APBB2: variants seen among roughly 807,000 people sequenced by gnomAD.
APBB2 encodes the protein amyloid beta precursor protein binding family B member 2.
In APBB2, 38 loss-of-function variants were observed where a neutral mutation model predicts 82.5. The ratio of observed to expected loss-of-function variants is 0.46; its 90% CI spans 0.36 to 0.60. The LOEUF (loss-of-function observed/expected upper bound fraction) is 0.60, where lower values mean the gene tolerates loss of function less well. Ranked by LOEUF, APBB2 falls within the 20% of genes least tolerant of loss-of-function variation. APBB2 has a pLI of 0.00. For synonymous variants in APBB2, 341 were observed against 368.2 expected (o/e 0.93, Z 0.85); for missense variants, 772 against 972.3 (o/e 0.79, Z 2.74).
At chr4:41,101,470 CAAAAAAAAAAAAAAA>C (rs150527764) in intron 2 of APBB2, among the ~76,000 whole-genome samples, 85 of 72,530 alleles carry the variant, frequency 1.2e-3, no homozygotes, top group East Asian at 8.9e-3. Context: ...GACTCCGTCT[CAAAAAAAAAAAAAAA>C]AAAAAAAAAA....
At chr4:40,924,984 A>C (rs929037143) in intron 10 of APBB2, among the ~76,000 whole-genome samples, 4 of 152,210 alleles carry the variant, frequency 2.6e-5, no homozygotes, top group African/African-American at 9.7e-5. Flanking sequence ...TTTTTTGAAA[A>C]GTATGGTGGC....
At chr4:41,187,124 T>G (rs932164535) in intron 1 of APBB2, among the ~76,000 whole-genome samples, 5 of 152,224 alleles carry the variant, frequency 3.3e-5, no homozygotes, top group African/African-American at 9.6e-5. Flanking sequence ...GATGAGCTTC[T>G]GTAAGAACTG....
At chr4:41,171,921 A>AC (rs1438950205) in intron 1 of APBB2, among the ~76,000 whole-genome samples, 1 of 152,086 alleles carries the variant, frequency 6.6e-6, no homozygotes, top group African/African-American at 2.4e-5. Context: ...ATATGGTGAA[A>AC]CCCCATCTCT....
chr4:40,963,940 C>T (rs187426016), intron 6 of APBB2, among the ~76,000 whole-genome samples: 15 of 152,258 alleles, frequency 9.9e-5, no homozygotes, highest in African/African-American at 3.4e-4. Context: ...GAGCCCAAAA[C>T]AGAAAGGAAT....
At chr4:41,171,947 A>G (rs1036570272) in intron 1 of APBB2, among the ~76,000 whole-genome samples, 1 of 152,146 alleles carries the variant, frequency 6.6e-6, no homozygotes, top group South Asian at 2.1e-4. Flanking sequence ...AAGTACAAAA[A>G]AAATTAGCTG....
intron 4 of APBB2, among the ~76,000 whole-genome samples, chr4:41,041,093 G>C (rs939467650): frequency 2.6e-5 from 4 of 152,096 alleles, no homozygotes; most frequent in African/African-American, 4.8e-5. Context: ...TGTTAGCCAG[G>C]ATGGTCTCGA....
At chr4:41,198,914 C>T (rs373173525) in intron 1 of APBB2, among the ~76,000 whole-genome samples, 29 of 152,260 alleles carry the variant, frequency 1.9e-4, no homozygotes, top group East Asian at 7.7e-4. Flanking sequence ...TGTCTTTATA[C>T]GACACTCTAC....
chr4:40,880,987 G>A lies in APBB2; in HGVS notation c.1529+9377C>T, dbSNP rs1053323314. The A allele has an allele frequency of 4.1e-6, 4 of 985,256 alleles. No individual in the cohort carries two copies. In the African/African-American group the frequency reaches 5.2e-5, roughly 13 times the overall value. The allele number at this position is 985,256 out of a possible 1,614,324, so 61.0% of individuals were successfully genotyped here. A position where few individuals can be genotyped will look rare whatever the true frequency, so the allele number is the denominator to read the frequency against. On this transcript the variant is annotated intron_variant, in intron 12 of 17. Coordinates refer to ENST00000508593, the MANE Select transcript of APBB2 (RefSeq NM_004307.2). ...AAAATGCCCTCCCACTTTCCTCTAAGGGAAACTGTTCTTGGACAATCACTT... is the reference window on the plus strand; with the variant it reads ...AAAATGCCCTCCCACTTTCCTCTAAAGGAAACTGTTCTTGGACAATCACTT...
chr4:41,170,173 C>T (rs549697653), intron 1 of APBB2, among the ~76,000 whole-genome samples: 1 of 152,304 alleles, frequency 6.6e-6, no homozygotes, highest in South Asian at 2.1e-4. Context: ...AGTCCAGGGA[C>T]ATTTTCCCCA....
chr4:40,947,721 T>C (rs1185518276), intron 6 of APBB2, among the ~76,000 whole-genome samples: 2 of 152,278 alleles, frequency 1.3e-5, no homozygotes, highest in African/African-American at 2.4e-5. Flanking sequence ...CAATCATTTA[T>C]AGAATCCCTT....
In APBB2 at chr4:40,826,971, C is replaced by A; in HGVS notation, c.1732+161G>T. 1.6e-6 allele frequency: 1 copy of A among 629,576 alleles called. No homozygotes were observed. Among genetic ancestry groups the A allele is most frequent in the South Asian group, 2.0e-5 (1 of 50,022 alleles). 39.0% of individuals were successfully genotyped at this position (629,576 alleles called of 1,614,324 possible). On this transcript the variant is annotated intron_variant, in intron 14 of 17. Coordinates refer to ENST00000508593, the MANE Select transcript of APBB2 (RefSeq NM_004307.2). The surrounding 1 kb of genome is among the most constrained non-coding windows in gnomAD (Gnocchi z 4.5). ...TAACCCTAGTGATGCAAAATCAACT[C>A]TGTGCCTCTGTGAGACCCAGCGTGC...
chr4:40,905,567 G>A (rs1358868495), intron 10 of APBB2, among the ~76,000 whole-genome samples: 1 of 152,194 alleles, frequency 6.6e-6, no homozygotes, highest in Non-Finnish European at 1.5e-5. Flanking sequence ...GCTCCTGCCT[G>A]CGAAGTCTAT....
chr4:41,125,461 AT>A (rs1560819018), intron 2 of APBB2, among the ~76,000 whole-genome samples: 1 of 152,182 alleles, frequency 6.6e-6, no homozygotes. Flanking sequence ...CAGCAACCCA[AT>A]CAAGAAGGAA....
At chr4:40,964,171 C>G (rs374313834) in intron 6 of APBB2, among the ~76,000 whole-genome samples, 18 of 152,222 alleles carry the variant, frequency 1.2e-4, no homozygotes, top group African/African-American at 3.6e-4. Context: ...AGAACAAGAA[C>G]TGAAGATTTT....
chr4:40,825,668 C>G, intron 15 of APBB2: 1 of 528,598 alleles, frequency 1.9e-6, no homozygotes, highest in South Asian at 2.0e-5. Context: ...TTGCTAAAGT[C>G]CTGCATGCTG....
chr4:41,118,188 G>A (rs1292875930), intron 2 of APBB2: 3 of 152,224 alleles, frequency 2.0e-5, no homozygotes, highest in Admixed American at 2.0e-4. Context: ...ACTCCAGCCT[G>A]GGTGATGGAG....
At chr4:41,099,994 A>G (rs1465900655) in intron 3 of APBB2, among the ~76,000 whole-genome samples, 1 of 152,184 alleles carries the variant, frequency 6.6e-6, no homozygotes, top group Non-Finnish European at 1.5e-5. Context: ...TTTTTCAAAA[A>G]GATAAGAGAA....
chr4:41,131,050 C>T (rs560119226), intron 2 of APBB2, among the ~76,000 whole-genome samples: 2 of 152,104 alleles, frequency 1.3e-5, no homozygotes, highest in Admixed American at 6.5e-5. Flanking sequence ...GCAAAACATG[C>T]GAGAGTACAA....
At chr4:40,933,791 C>A (rs1224266482) in intron 10 of APBB2, among the ~76,000 whole-genome samples, 1 of 152,196 alleles carries the variant, frequency 6.6e-6, no homozygotes, top group Non-Finnish European at 1.5e-5. Flanking sequence ...TTCCATTGGA[C>A]TTGACTTATA....
Sources: gnomAD v4.1 joint callset for allele counts (sites outside exome capture counted in the v4.1 genomes callset) on GRCh38, gnomAD v4.1.1 for gene constraint, Gnocchi (gnomAD v3.1) non-coding constraint, MANE v1.5 for transcripts, NCBI Gene and HGNC (gene_info 2026-07-23, HGNC 2026-07-21) for gene names.